The following GABRG3 variants were observed in gnomAD, a reference collection of about 807,000 sequenced individuals.
GABRG3 encodes gamma-aminobutyric acid type A receptor subunit gamma3, also known as gamma-aminobutyric acid receptor subunit gamma-3.
GABRG3 carries 25 observed loss-of-function variants against 48.8 expected under a neutral mutation model. That is an observed-to-expected ratio of 0.51 (90% CI 0.37 to 0.72). The LOEUF (loss-of-function observed/expected upper bound fraction) is 0.72. Ranked by LOEUF, GABRG3 falls within the 30% of genes least tolerant of loss-of-function variation. The pLI, the probability that GABRG3 is intolerant of heterozygous loss-of-function variation, is 0.00. For synonymous variants in GABRG3, 227 were observed against 217.6 expected, an observed-to-expected ratio of 1.04 and a Z score of -0.38; for missense variants, 394 against 577.9, an observed-to-expected ratio of 0.68 and a Z score of 3.26.
chr15:27,314,877 A>C (rs1291968141), intron 3 of GABRG3, among the ~76,000 whole-genome samples: 1 of 152,196 alleles, frequency 6.6e-6, no homozygotes, highest in East Asian at 1.9e-4. Context: ...CAGAGAGTAC[A>C]ATGGTTGTTG....
At chr15:27,443,876 T>TA (rs1439034426) in intron 5 of GABRG3, among the ~76,000 whole-genome samples, 1 of 152,236 alleles carries the variant, frequency 6.6e-6, no homozygotes, top group African/African-American at 2.4e-5. Context: ...TTTTGGGAAA[T>TA]GCTTTTACCT....
Position 27,306,611 on chromosome 15 carries a change from A to G in GABRG3, c.271-20198A>G, listed in dbSNP as rs530361972. Among the ~76,000 whole-genome samples the G allele has an allele frequency of 1.1e-3, 143 of 129,136 alleles. 7 individuals are homozygous for G. The highest frequency in any genetic ancestry group is 4.1e-3 in the African/African-American group (134 of 33,086). 84.7% of individuals were successfully genotyped at this position (129,136 alleles called of 152,430 possible). Reference sequence around the variant, plus strand: ...ATATAATATAAACATATGTTTATATATAAACATATATAATATAAACATATA... The same window carrying G: ...ATATAATATAAACATATGTTTATATGTAAACATATATAATATAAACATATA... On this transcript the variant is annotated intron_variant, in intron 3 of 9. Transcript: ENST00000615808.
chr15:27,102,628 C>T (rs1897380828), intron 3 of GABRG3, among the ~76,000 whole-genome samples: 1 of 152,102 alleles, frequency 6.6e-6, no homozygotes, highest in South Asian at 2.1e-4. Flanking sequence ...ATTCCTTGGT[C>T]ACATAACTAT....
intron 3 of GABRG3, among the ~76,000 whole-genome samples, chr15:27,182,609 T>C (rs979488318): frequency 1.3e-5 from 2 of 152,144 alleles, no homozygotes; most frequent in African/African-American, 4.8e-5. Flanking sequence ...AGTGTGGTCC[T>C]GAGAGTTGAA....
chr15:27,338,256 G>A (rs756042857), intron 5 of GABRG3, among the ~76,000 whole-genome samples: 3 of 152,146 alleles, frequency 2.0e-5, no homozygotes, highest in Non-Finnish European at 4.4e-5. Flanking sequence ...TACCCTAAAA[G>A]TTATCCATCA....
At chr15:26,973,352 G>A (rs1178932661) in intron 1 of GABRG3, among the ~76,000 whole-genome samples, 5 of 152,144 alleles carry the variant, frequency 3.3e-5, no homozygotes, top group South Asian at 2.1e-4. Context: ...ATTTGGGCTC[G>A]TTCCCCAGCT....
intron 2 of GABRG3, among the ~76,000 whole-genome samples, chr15:27,013,351 T>G (rs1895723249): frequency 6.6e-6 from 1 of 152,164 alleles, no homozygotes. Context: ...TTGGCTATTG[T>G]GATGTGCAGG....
intron 6 of GABRG3, among the ~76,000 whole-genome samples, chr15:27,503,940 G>T (rs1050250851): frequency 6.6e-6 from 1 of 152,098 alleles, no homozygotes; most frequent in Non-Finnish European, 1.5e-5. Flanking sequence ...TTTATCTGTT[G>T]TGGTGTTCTT....
chr15:27,449,521 G>T (rs901932681), intron 5 of GABRG3, among the ~76,000 whole-genome samples: 20 of 152,214 alleles, frequency 1.3e-4, no homozygotes, highest in African/African-American at 3.6e-4. Flanking sequence ...TTTACATTTT[G>T]TGATGGTAGT....
At chr15:27,525,902 A>T (rs1246807563) in intron 7 of GABRG3, among the ~76,000 whole-genome samples, 2 of 152,184 alleles carry the variant, frequency 1.3e-5, no homozygotes, top group Admixed American at 1.3e-4. Flanking sequence ...ACCATGGCAC[A>T]TGTTTATGTA....
At chr15:27,131,436 A>G (rs1897914818) in intron 3 of GABRG3, among the ~76,000 whole-genome samples, 1 of 151,910 alleles carries the variant, frequency 6.6e-6, no homozygotes, top group African/African-American at 2.4e-5. Context: ...ATTCTGTTTG[A>G]TAGCATTTCA....
chr15:27,127,105 T>A (rs1053572438), intron 3 of GABRG3, among the ~76,000 whole-genome samples: 2 of 152,170 alleles, frequency 1.3e-5, no homozygotes, highest in Admixed American at 6.5e-5. Flanking sequence ...CACTTCTAAG[T>A]GTATATACAA....
intron 5 of GABRG3, among the ~76,000 whole-genome samples, chr15:27,355,545 C>T (rs185299343): frequency 2.0e-5 from 3 of 152,304 alleles, no homozygotes; most frequent in African/African-American, 4.8e-5. Context: ...TCTGCTACTT[C>T]GGAAAACAGT....
intron 3 of GABRG3, among the ~76,000 whole-genome samples, chr15:27,311,415 A>G (rs1179752116): frequency 6.6e-6 from 1 of 152,162 alleles, no homozygotes; most frequent in Non-Finnish European, 1.5e-5. Flanking sequence ...AGATACCTGG[A>G]GGACGGGCTT....
intron 3 of GABRG3, among the ~76,000 whole-genome samples, chr15:27,119,378 A>G (rs1897694323): frequency 6.6e-6 from 1 of 152,222 alleles, no homozygotes; most frequent in Admixed American, 6.5e-5. Flanking sequence ...TCAGCCATGA[A>G]CCTTACAATG....
At chr15:27,113,719 C>A (rs1897594121) in intron 3 of GABRG3, among the ~76,000 whole-genome samples, 2 of 151,140 alleles carry the variant, frequency 1.3e-5, no homozygotes, top group South Asian at 4.1e-4. Context: ...ATAAGTTTTA[C>A]CAAAAATTTA....
chr15:27,296,244 A>T (rs1891979201), intron 3 of GABRG3, among the ~76,000 whole-genome samples: 1 of 152,270 alleles, frequency 6.6e-6, no homozygotes, highest in Non-Finnish European at 1.5e-5. Flanking sequence ...TTATGTAATT[A>T]TGAAATACAG....
intron 5 of GABRG3, among the ~76,000 whole-genome samples, chr15:27,382,933 T>G (rs1157035531): frequency 6.6e-6 from 1 of 152,138 alleles, no homozygotes; most frequent in Non-Finnish European, 1.5e-5. Flanking sequence ...TGAGTGTGCT[T>G]GGATATATTA....
At chr15:27,442,638 C>G (rs1277154775) in intron 5 of GABRG3, among the ~76,000 whole-genome samples, 1 of 152,194 alleles carries the variant, frequency 6.6e-6, no homozygotes, top group Non-Finnish European at 1.5e-5. Context: ...CTTTGGAAAC[C>G]AGTCAAGTGA....
Sources: gnomAD v4.1 joint callset for allele counts (sites outside exome capture counted in the v4.1 genomes callset) on GRCh38, gnomAD v4.1.1 for gene constraint, MANE v1.5 for transcripts, NCBI Gene and HGNC (gene_info 2026-07-23, HGNC 2026-07-21) for gene names.